The following HERC3 variants were observed in gnomAD, a reference collection of about 807,000 sequenced individuals.
The protein encoded by HERC3 is probable E3 ubiquitin-protein ligase HERC3.
HERC3 carries 58 observed loss-of-function variants against 129.9 expected under a neutral mutation model. That is an observed-to-expected ratio of 0.45 (90% confidence interval 0.36 to 0.56). HERC3 has a LOEUF of 0.56. Among genes scored for constraint, HERC3 ranks in the 20% least tolerant of loss-of-function variants. The pLI is 0.00. For missense variants in HERC3, 835 were observed against 1,244.2 expected (o/e 0.67, Z 4.95); for synonymous variants, 430 against 451.0 (o/e 0.95, Z 0.59).
intron 16 of HERC3, among the ~76,000 whole-genome samples, chr4:88,670,640 A>T (rs1200559324): frequency 6.8e-6 from 1 of 147,988 alleles, no homozygotes; most frequent in Non-Finnish European, 1.5e-5. Context: ...ATTGTACACC[A>T]GTGTGACTAT....
chr4:88,579,724 A>G, the HERC3 span, among the ~76,000 whole-genome samples: 1 of 152,302 alleles, frequency 6.6e-6, no homozygotes, highest in South Asian at 2.1e-4. Flanking sequence ...TAATCCCCAG[A>G]ACCTGTGCAT....
At chr4:88,689,944 T>C in intron 23 of HERC3, 2 of 953,986 alleles carry the variant, frequency 2.1e-6, no homozygotes, top group Non-Finnish European at 2.5e-6. Flanking sequence ...TTAACCATTT[T>C]TTTTTTGTCA....
At chr4:88,665,911 A>G (rs1001932470) in intron 12 of HERC3, among the ~76,000 whole-genome samples, 4 of 152,218 alleles carry the variant, frequency 2.6e-5, no homozygotes, top group Non-Finnish European at 5.9e-5. Context: ...GTTCTCAACC[A>G]GGGTGATTTT....
chr4:88,642,735 A>G (rs1578227067), intron 3 of HERC3, among the ~76,000 whole-genome samples: 1 of 152,232 alleles, frequency 6.6e-6, no homozygotes, highest in Non-Finnish European at 1.5e-5. Context: ...TGACCTTATC[A>G]CTTCTCAAAA....
At chr4:88,678,202 G>T (rs915076155) in intron 19 of HERC3, 68 bp downstream of exon 19, 15 of 1,376,656 alleles carry the variant, frequency 1.1e-5, no homozygotes, top group Admixed American at 1.8e-5. Flanking sequence ...TGATTAAGCA[G>T]CAGTGATCTT....
intron 9 of HERC3, chr4:88,656,491 C>T (rs180811402): frequency 9.9e-5 from 16 of 161,114 alleles, no homozygotes; most frequent in African/African-American, 1.9e-4. Flanking sequence ...TTTTACACCA[C>T]CAGATCTCAT....
chr4:88,549,983 C>T, the HERC3 span, among the ~76,000 whole-genome samples: 1 of 152,072 alleles, frequency 6.6e-6, no homozygotes, highest in Non-Finnish European at 1.5e-5. Context: ...AAGAAAGTTT[C>T]CTTATTGGGG....
chr4:88,562,635 G>T, the HERC3 span, among the ~76,000 whole-genome samples: 1 of 152,108 alleles, frequency 6.6e-6, no homozygotes, highest in Non-Finnish European at 1.5e-5. Context: ...ATAGTTTGAG[G>T]TATTAGATTC....
chr4:88,615,771 A>T (rs2149211733), intron 3 of HERC3, among the ~76,000 whole-genome samples: 1 of 152,304 alleles, frequency 6.6e-6, no homozygotes, highest in Non-Finnish European at 1.5e-5. Context: ...ACTAGCTATT[A>T]TTATTTATTC....
the HERC3 span, among the ~76,000 whole-genome samples, chr4:88,574,721 G>T: frequency 1.3e-5 from 2 of 152,134 alleles, no homozygotes; most frequent in Non-Finnish European, 2.9e-5. Flanking sequence ...TGTCCTCAAG[G>T]TTCATCCATG....
chr4:88,542,123 AC>A, the HERC3 span, among the ~76,000 whole-genome samples: 5 of 152,224 alleles, frequency 3.3e-5, no homozygotes, highest in Non-Finnish European at 2.9e-5. Flanking sequence ...AGATAGAGAC[AC>A]AAAAAACCCT....
intron 11 of HERC3, 47 bp downstream of exon 11, chr4:88,662,602 A>G: frequency 1.3e-6 from 2 of 1,575,550 alleles, no homozygotes; most frequent in Non-Finnish European, 1.7e-6. Flanking sequence ...AGTATGTTAC[A>G]ACTTTTTAGC....
chr4:88,563,815 C>T, the HERC3 span, among the ~76,000 whole-genome samples: 8 of 151,826 alleles, frequency 5.3e-5, no homozygotes, highest in Non-Finnish European at 8.8e-5. Flanking sequence ...TGCACCACCA[C>T]GCCCGGCTAA....
rs115593837 is a variant in HERC3 at position 88,636,863 on chromosome 4, C to G, written c.227-12977C>G. Among the ~76,000 whole-genome samples the G allele has an allele frequency of 6.7e-3, 1,025 of 152,292 alleles. 12 individuals are homozygous for G. The highest frequency in any genetic ancestry group is 0.023 in the African/African-American group (975 of 41,560). ...TCAAAACCACACAACTGGCCAGGTG[C>G]GATGGCTCATGCCTGTAATCCCAGT... On this transcript the variant is annotated intron_variant, in intron 3 of 25. Coordinates refer to ENST00000402738, the MANE Select transcript of HERC3 (RefSeq NM_014606.3).
intron 3 of HERC3, among the ~76,000 whole-genome samples, chr4:88,622,462 G>A (rs534959848): frequency 1.3e-5 from 2 of 150,262 alleles, no homozygotes; most frequent in South Asian, 2.3e-4. Context: ...ACAATTTTTT[G>A]TGTGGACACA....
the HERC3 span, among the ~76,000 whole-genome samples, chr4:88,530,689 T>C: frequency 1.3e-5 from 2 of 152,310 alleles, no homozygotes; most frequent in African/African-American, 2.4e-5. Context: ...GAGTGAATAA[T>C]GTGGACTTGA....
intron 16 of HERC3, 45 bp from the exon 17 acceptor site, chr4:88,676,173 G>T: frequency 7.2e-7 from 1 of 1,395,354 alleles, no homozygotes; most frequent in Non-Finnish European, 1.0e-6. Flanking sequence ...TTAAAATTCA[G>T]GGTTTACAAT....
the HERC3 span, among the ~76,000 whole-genome samples, chr4:88,559,080 A>G: frequency 1.3e-5 from 2 of 152,184 alleles, no homozygotes; most frequent in African/African-American, 4.8e-5. Context: ...GATAGACAGT[A>G]AAAAGCTTAC....
At chr4:88,641,920 C>T (rs1728137485) in intron 3 of HERC3, among the ~76,000 whole-genome samples, 1 of 151,890 alleles carries the variant, frequency 6.6e-6, no homozygotes, top group Admixed American at 6.6e-5. Flanking sequence ...GAGTTCAAGA[C>T]CAGGCTGGCC....
Sources: gnomAD v4.1 joint callset for allele counts (sites outside exome capture counted in the v4.1 genomes callset) on GRCh38, gnomAD v4.1.1 for gene constraint, MANE v1.5 for transcripts, NCBI Gene and HGNC (gene_info 2026-07-23, HGNC 2026-07-21) for gene names.